SPAG16: variants seen among roughly 807,000 people sequenced by gnomAD.
The protein encoded by SPAG16 is sperm associated antigen 16, also known as sperm-associated antigen 16 protein.
A neutral mutation model predicts 80.4 loss-of-function variants in SPAG16; 86 were observed. The ratio of observed to expected loss-of-function variants is 1.07; its 90% CI spans 0.90 to 1.28. The LOEUF (loss-of-function observed/expected upper bound fraction) is 1.28. Ranked by LOEUF, SPAG16 falls within the 50% of genes most tolerant of loss-of-function variation. The pLI is 0.00. For synonymous variants in SPAG16, 294 were observed against 265.9 expected (o/e 1.11, Z -1.03); for missense variants, 870 against 765.3 (o/e 1.14, Z -1.61).
At chr2:213,500,620 C>T (rs181024181) in intron 10 of SPAG16, among the ~76,000 whole-genome samples, 2 of 152,264 alleles carry the variant, frequency 1.3e-5, no homozygotes, top group African/African-American at 4.8e-5. Context: ...TTTATCATTA[C>T]ACTAGTACAA....
At position 214,185,737 on chromosome 2, in the gene SPAG16, A is replaced by G. The variant is rs1308344651; in HGVS notation, c.1720+36471A>G. ...TCCAAGTGTGCCTGCGTAGTCTGTG[A>G]CAAAGGGGCAAAGGCTAAATGGAAC... On this transcript the variant is annotated intron_variant, in intron 15 of 15. Transcript: ENST00000331683. Among the ~76,000 whole-genome samples the G allele has an allele frequency of 2.6e-5, 4 of 152,154 alleles. No homozygotes were observed. In the East Asian group the frequency reaches 7.7e-4, roughly 29 times the overall value.
At chr2:213,980,449 T>A (rs1490212660) in intron 12 of SPAG16, among the ~76,000 whole-genome samples, 7 of 57,612 alleles carry the variant, frequency 1.2e-4, no homozygotes, top group Non-Finnish European at 2.4e-4. Context: ...GTATATATAT[T>A]CTATATATAT....
intron 10 of SPAG16, among the ~76,000 whole-genome samples, chr2:213,705,824 G>A (rs1421849717): frequency 6.6e-6 from 1 of 152,066 alleles, no homozygotes; most frequent in Non-Finnish European, 1.5e-5. Context: ...TTAAGTATAA[G>A]AAGCATTAAG....
At chr2:213,387,056 G>A (rs1049043335) in intron 9 of SPAG16, among the ~76,000 whole-genome samples, 2 of 152,096 alleles carry the variant, frequency 1.3e-5, no homozygotes, top group Admixed American at 6.5e-5. Context: ...CAGCAGAATG[G>A]AAGAGTGCCA....
intron 15 of SPAG16, among the ~76,000 whole-genome samples, chr2:214,210,890 G>A (rs1303565121): frequency 6.6e-6 from 1 of 151,790 alleles, no homozygotes; most frequent in Non-Finnish European, 1.5e-5. Context: ...TGGATCTTAT[G>A]ATAGTTATAT....
intron 12 of SPAG16, 57 bp downstream of exon 12, chr2:213,930,202 A>T: frequency 7.4e-7 from 1 of 1,353,212 alleles, no homozygotes; most frequent in Non-Finnish European, 9.9e-7. Context: ...ACGTGGGTAA[A>T]GTGGTAAAGT....
intron 12 of SPAG16, among the ~76,000 whole-genome samples, chr2:213,983,906 A>T (rs2045885185): frequency 6.6e-6 from 1 of 152,068 alleles, no homozygotes; most frequent in South Asian, 2.1e-4. Context: ...GTGACATTGG[A>T]ACCCGCATGC....
At chr2:213,462,871 T>C (rs1260204971) in intron 9 of SPAG16, among the ~76,000 whole-genome samples, 1 of 151,830 alleles carries the variant, frequency 6.6e-6, no homozygotes, top group African/African-American at 2.4e-5. Context: ...AGAGAGTGGG[T>C]GCTGCTATCA....
At position 213,929,943 on chromosome 2, in the gene SPAG16, T is replaced by C; in HGVS notation, c.1215-17T>C. The stretch of plus-strand genomic sequence containing the variant: ...TTACTTTTTAAACAAGCTGTCTTTT[T>C]ATGTTTTTGCAAATAGTGGCGACAA... On this transcript the variant is annotated splice_polypyrimidine_tract_variant and intron_variant, in intron 11 of 15. Transcript: ENST00000331683. The C allele has an allele frequency of 3.1e-6, 5 of 1,599,064 alleles. No individual in the cohort carries two copies. Among genetic ancestry groups the C allele is most frequent in the Non-Finnish European group, 4.3e-6 (5 of 1,171,900 alleles).
At chr2:213,537,818 C>A (rs912370991) in intron 10 of SPAG16, among the ~76,000 whole-genome samples, 1 of 152,130 alleles carries the variant, frequency 6.6e-6, no homozygotes, top group Admixed American at 6.5e-5. Context: ...TCTGATGTTT[C>A]GGTCAGTTAT....
chr2:213,350,786 A>G, intron 7 of SPAG16, 141 bp downstream of exon 7: 1 of 552,320 alleles, frequency 1.8e-6, no homozygotes, highest in Non-Finnish European at 3.1e-6. Context: ...CCATTTGGAA[A>G]CATTCAGAAA....
chr2:213,764,409 T>A (rs1196277493), intron 10 of SPAG16, among the ~76,000 whole-genome samples: 2 of 152,180 alleles, frequency 1.3e-5, no homozygotes, highest in East Asian at 1.9e-4. Flanking sequence ...AAATTGTCAG[T>A]TGCTGGATGA....
At chr2:214,397,466 A>G (rs1400250984) in intron 15 of SPAG16, among the ~76,000 whole-genome samples, 1 of 152,028 alleles carries the variant, frequency 6.6e-6, no homozygotes, top group African/African-American at 2.4e-5. Context: ...CCATATTTTT[A>G]AATTTTCTAA....
intron 10 of SPAG16, among the ~76,000 whole-genome samples, chr2:213,587,655 C>G (rs1051986109): frequency 2.6e-5 from 4 of 151,106 alleles, no homozygotes; most frequent in Admixed American, 2.6e-4. Context: ...CTTTCTTATT[C>G]CTTTTAATAT....
At chr2:214,222,110 C>CTTTTT (rs10694178) in intron 15 of SPAG16, among the ~76,000 whole-genome samples, 270 of 103,466 alleles carry the variant, frequency 2.6e-3, no homozygotes, top group Middle Eastern at 7.9e-3. Flanking sequence ...CCTTGCTATT[C>CTTTTT]TTTTTTTTTT....
chr2:213,434,139 C>T (rs968486007), intron 9 of SPAG16, among the ~76,000 whole-genome samples: 2 of 151,926 alleles, frequency 1.3e-5, no homozygotes, highest in Middle Eastern at 3.2e-3. Flanking sequence ...AGGCTGGTCT[C>T]GAACTCCTGA....
rs561297039 is a variant in SPAG16 at position 213,964,316 on chromosome 2, A to G, written c.1400+34171A>G. Among the ~76,000 whole-genome samples the G allele has an allele frequency of 1.6e-4, 24 of 152,236 alleles. 1 individual carries two copies. Among genetic ancestry groups the G allele is most frequent in the African/African-American group, 5.3e-4 (22 of 41,558 alleles). ...ACCTTTTATAATCATCTCTATTTATATTTATTTGTATTTTATGTGTGGATC... is the reference window on the plus strand; with the variant it reads ...ACCTTTTATAATCATCTCTATTTATGTTTATTTGTATTTTATGTGTGGATC... On this transcript the variant is annotated intron_variant, in intron 12 of 15. Coordinates refer to ENST00000331683, the MANE Select transcript of SPAG16 (RefSeq NM_024532.5).
intron 3 of SPAG16, among the ~76,000 whole-genome samples, chr2:213,309,008 C>T (rs1434969235): frequency 2.0e-5 from 3 of 152,132 alleles, no homozygotes; most frequent in African/African-American, 7.2e-5. Flanking sequence ...CTTGTACACA[C>T]AGCCTGAAGG....
chr2:213,507,413 C>T (rs573391983), intron 10 of SPAG16, among the ~76,000 whole-genome samples: 19 of 152,272 alleles, frequency 1.2e-4, no homozygotes, highest in Admixed American at 4.6e-4. Context: ...ATACTCAGAA[C>T]GTTGTTCTAT....
Sources: allele counts gnomAD v4.1 joint callset (sites outside exome capture counted in the v4.1 genomes callset), GRCh38; gene constraint gnomAD v4.1.1; transcripts MANE v1.5; gene names NCBI Gene and HGNC (gene_info 2026-07-23, HGNC 2026-07-21).